The following DOCK8 variants were observed in gnomAD, a reference collection of about 807,000 sequenced individuals.
The protein encoded by DOCK8 is dedicator of cytokinesis protein 8.
Under a neutral mutation model 245.6 loss-of-function variants are expected in DOCK8, and 141 were observed. The ratio of observed to expected loss-of-function variants is 0.57; its 90% CI spans 0.50 to 0.66. DOCK8 has a LOEUF of 0.66. Among genes scored for constraint, DOCK8 ranks in the 30% least tolerant of loss-of-function variants. DOCK8 has a pLI of 0.00. For missense variants in DOCK8, 2,965 were observed against 2,603.4 expected (o/e 1.14, Z -3.02); for synonymous variants, 1,168 against 970.2 (o/e 1.20, Z -3.79).
chr9:234,200 C>T (rs548353867), intron 1 of DOCK8, among the ~76,000 whole-genome samples: 116 of 152,266 alleles, frequency 7.6e-4, no homozygotes, highest in East Asian at 1.4e-3. Context: ...AAAATTCTTT[C>T]CTTTCAGAAT....
intron 24 of DOCK8, 39 bp from the exon 25 acceptor site, chr9:396,746 C>A (rs754501515): frequency 1.9e-6 from 3 of 1,613,708 alleles, no homozygotes; most frequent in African/African-American, 2.7e-5. Flanking sequence ...AGCAGGTCAC[C>A]AATCTCCATG....
At chr9:370,058 C>A in intron 15 of DOCK8, 172 bp from the exon 16 acceptor site, 1 of 662,116 alleles carries the variant, frequency 1.5e-6, no homozygotes. Context: ...CCACGCCGAC[C>A]TCCCAGAGTG....
At chr9:328,192 T>A (rs373748218) in intron 9 of DOCK8, 21 bp downstream of exon 9, 14 of 1,606,698 alleles carry the variant, frequency 8.7e-6, no homozygotes, top group Non-Finnish European at 1.0e-5. Flanking sequence ...ACGATCTGAT[T>A]TGCCCAATCT....
chr9:405,231 C>G (rs2055357777), intron 27 of DOCK8, 158 bp downstream of exon 27: 1 of 736,176 alleles, frequency 1.4e-6, no homozygotes, highest in South Asian at 1.8e-5. Context: ...AGTTACACCA[C>G]TAGCTAAGAA....
intron 23 of DOCK8, among the ~76,000 whole-genome samples, chr9:389,667 A>G (rs990933912): frequency 2.0e-5 from 3 of 152,126 alleles, no homozygotes; most frequent in Non-Finnish European, 4.4e-5. Flanking sequence ...ATTGAATCAG[A>G]ATATCTGGGG....
intron 1 of DOCK8, among the ~76,000 whole-genome samples, chr9:253,062 A>C (rs1269673145): frequency 6.6e-6 from 1 of 152,094 alleles, no homozygotes; most frequent in Non-Finnish European, 1.5e-5. Flanking sequence ...TTTACACTCC[A>C]TCCCTCCTGG....
intron 1 of DOCK8, among the ~76,000 whole-genome samples, chr9:259,568 G>A (rs1204295593): frequency 6.6e-6 from 1 of 152,156 alleles, no homozygotes; most frequent in Non-Finnish European, 1.5e-5. Context: ...GATAAACCTG[G>A]TTCATAGCAT....
At chr9:323,374 C>T (rs776314387) in intron 7 of DOCK8, among the ~76,000 whole-genome samples, 1 of 151,806 alleles carries the variant, frequency 6.6e-6, no homozygotes, top group Non-Finnish European at 1.5e-5. Context: ...CAGGCACTTG[C>T]CACCACGCTC....
chr9:403,992 G>GTGTATATATATATGTATATATATATA (rs2055297333), intron 26 of DOCK8, among the ~76,000 whole-genome samples: 1 of 68,468 alleles, frequency 1.5e-5, no homozygotes, highest in African/African-American at 8.2e-5. Context: ...ATATATATAT[G>GTGTATATATATATGTATATATATATA]TGTATATATA....
At chr9:393,459 G>A (rs924331618) in intron 24 of DOCK8, among the ~76,000 whole-genome samples, 3 of 152,190 alleles carry the variant, frequency 2.0e-5, no homozygotes, top group African/African-American at 7.2e-5. Context: ...GAGGCAGGAG[G>A]AACTTTTATT....
At chr9:372,152 A>G in intron 17 of DOCK8, 33 bp from the exon 18 acceptor site, 1 of 1,569,536 alleles carries the variant, frequency 6.4e-7, no homozygotes, top group African/African-American at 1.3e-5. Flanking sequence ...GCTGTAATAA[A>G]TACCACTTTA....
At chr9:406,645 CT>C in intron 27 of DOCK8, among the ~76,000 whole-genome samples, 2 of 152,076 alleles carry the variant, frequency 1.3e-5, no homozygotes, top group Non-Finnish European at 2.9e-5. Context: ...TTATCTTCAG[CT>C]TTTGATTTCA....
chr9:333,325 GGC>G (rs1563931282), intron 10 of DOCK8, among the ~76,000 whole-genome samples: 2 of 152,238 alleles, frequency 1.3e-5, no homozygotes, highest in Admixed American at 6.5e-5. Flanking sequence ...GCCTTGGCCG[GGC>G]GTGGTGGCTC....
At chr9:361,081 C>T (rs1241187411) in intron 14 of DOCK8, among the ~76,000 whole-genome samples, 2 of 152,098 alleles carry the variant, frequency 1.3e-5, no homozygotes, top group East Asian at 1.9e-4. Flanking sequence ...AGCAGAGGAT[C>T]GCTTGAGCCC....
At chr9:241,467 T>C (rs1197317163) in intron 1 of DOCK8, among the ~76,000 whole-genome samples, 1 of 152,176 alleles carries the variant, frequency 6.6e-6, no homozygotes, top group Non-Finnish European at 1.5e-5. Context: ...TGCATGTGAG[T>C]GAGAATGTGA....
intron 7 of DOCK8, among the ~76,000 whole-genome samples, chr9:322,674 G>C (rs988367704): frequency 6.6e-6 from 1 of 152,178 alleles, no homozygotes; most frequent in African/African-American, 2.4e-5. Context: ...AACCACAGAG[G>C]ACTTACTACT....
chr9:432,232 T>G lies in DOCK8; in HGVS notation c.4693T>G (p.Phe1565Val), dbSNP rs1291354384. The G allele has an allele frequency of 1.9e-6, 3 of 1,614,050 alleles. No individual in the cohort carries two copies. The highest frequency in any genetic ancestry group is 2.5e-6 in the Non-Finnish European group (3 of 1,180,006). Residue 1565 changes from phenylalanine to valine, a missense_variant, in exon 37 of 48, where the codon TTT becomes GTT. Physicochemically the swap from Phe to Val is conservative, Grantham distance 50 (BLOSUM62 -1). Coordinates refer to ENST00000432829, the MANE Select transcript of DOCK8 (RefSeq NM_203447.4). ...LASLVGRAPD[F>V]NEEHLRRSLR... The stretch of plus-strand genomic sequence containing the variant: ...ATCTTTGGTGGGAAGAGCACCAGAC[T>G]TTAATGAAGAGCACCTGAGAAGATC...
intron 2 of DOCK8, among the ~76,000 whole-genome samples, chr9:285,432 G>A (rs1309114082): frequency 1.3e-5 from 2 of 152,140 alleles, no homozygotes; most frequent in Admixed American, 1.3e-4. Context: ...TTGGTCCACT[G>A]GAGGGTAGAG....
chr9:275,290 G>C (rs78850310), intron 2 of DOCK8, among the ~76,000 whole-genome samples: 2 of 152,184 alleles, frequency 1.3e-5, no homozygotes, highest in African/African-American at 2.4e-5. Context: ...GCTCTGAAGG[G>C]CTTTATGATC....
Sources: allele counts gnomAD v4.1 joint callset (sites outside exome capture counted in the v4.1 genomes callset), GRCh38; gene constraint gnomAD v4.1.1; transcripts MANE v1.5; gene names NCBI Gene and HGNC (gene_info 2026-07-23, HGNC 2026-07-21).